CSMD1: variants seen among roughly 807,000 people sequenced by gnomAD.
CSMD1 encodes the protein CUB and sushi domain-containing protein 1.
CSMD1 carries 213 observed loss-of-function variants against 417.5 expected under a neutral mutation model. That is an observed-to-expected ratio of 0.51 (90% CI 0.46 to 0.57). The LOEUF (loss-of-function observed/expected upper bound fraction) is 0.57. Among genes scored for constraint, CSMD1 ranks in the 20% least tolerant of loss-of-function variants. CSMD1 has a pLI of 0.00. For missense variants in CSMD1, 6,923 were observed against 4,529.7 expected (o/e 1.53, Z -15.17); for synonymous variants, 2,862 against 1,736.8 (o/e 1.65, Z -16.11).
intron 1 of CSMD1, among the ~76,000 whole-genome samples, chr8:4,652,415 G>A (rs1489989600): frequency 3.9e-5 from 6 of 152,056 alleles, no homozygotes; most frequent in Non-Finnish European, 8.8e-5. Flanking sequence ...GCTTTGGGAG[G>A]AAGTGGGAAT....
intron 5 of CSMD1, among the ~76,000 whole-genome samples, chr8:3,911,461 G>C (rs907877699): frequency 6.6e-6 from 1 of 151,066 alleles, no homozygotes; most frequent in Non-Finnish European, 1.5e-5. Context: ...CCGCGAGGCG[G>C]AGCCTGCAGT....
At chr8:4,138,166 G>C (rs146703932) in intron 3 of CSMD1, among the ~76,000 whole-genome samples, 6,992 of 79,550 alleles carry the variant, frequency 0.088, 2,151 homozygotes, top group Non-Finnish European at 0.15. Context: ...CCTCCCACCT[G>C]GGCCTCCCAA....
chr8:4,834,630 T>C (rs1348289597), intron 1 of CSMD1, among the ~76,000 whole-genome samples: 2 of 151,334 alleles, frequency 1.3e-5, no homozygotes, highest in Admixed American at 6.6e-5. Flanking sequence ...GCAGAGGAAG[T>C]AGCTAGCTAG....
chr8:3,756,871 C>T (rs1797688283), intron 5 of CSMD1, among the ~76,000 whole-genome samples: 1 of 152,118 alleles, frequency 6.6e-6, no homozygotes, highest in African/African-American at 2.4e-5. Flanking sequence ...TCACAGCTCA[C>T]AGCAGTCTCC....
intron 1 of CSMD1, among the ~76,000 whole-genome samples, chr8:4,730,944 G>C (rs1213456416): frequency 6.6e-6 from 1 of 152,052 alleles, no homozygotes; most frequent in Non-Finnish European, 1.5e-5. Context: ...CAGGGCCAGT[G>C]TTCCTGCCTA....
intron 2 of CSMD1, among the ~76,000 whole-genome samples, chr8:4,573,298 A>C (rs571208120): frequency 6.6e-6 from 1 of 151,988 alleles, no homozygotes; most frequent in South Asian, 2.1e-4. Context: ...TTTGGATGGG[A>C]TTTTCGCATG....
intron 49 of CSMD1, among the ~76,000 whole-genome samples, chr8:3,086,672 A>C (rs1311009401): frequency 6.6e-6 from 1 of 152,256 alleles, no homozygotes; most frequent in Non-Finnish European, 1.5e-5. Context: ...AACAAGCTCT[A>C]GATTTAAATA....
At chr8:3,771,581 G>C (rs909252468) in intron 5 of CSMD1, among the ~76,000 whole-genome samples, 1 of 152,130 alleles carries the variant, frequency 6.6e-6, no homozygotes, top group Admixed American at 6.5e-5. Flanking sequence ...GACCTGGAGA[G>C]CCTCAGGGGC....
chr8:4,510,832 T>C, intron 2 of CSMD1, among the ~76,000 whole-genome samples: 1 of 111,204 alleles, frequency 9.0e-6, no homozygotes, highest in African/African-American at 3.5e-5. Flanking sequence ...CTTCCTCTCT[T>C]CCTCCCTCCC....
At chr8:4,259,044 G>C (rs1052650929) in intron 3 of CSMD1, among the ~76,000 whole-genome samples, 1 of 152,134 alleles carries the variant, frequency 6.6e-6, no homozygotes, top group Non-Finnish European at 1.5e-5. Flanking sequence ...AGGAAAAATT[G>C]TGCAAAGACC....
At chr8:3,529,571 G>C (rs1410024147) in intron 10 of CSMD1, among the ~76,000 whole-genome samples, 2 of 152,204 alleles carry the variant, frequency 1.3e-5, no homozygotes, top group Non-Finnish European at 2.9e-5. Flanking sequence ...CACAATGGAA[G>C]AGTAGAATCA....
chr8:3,941,612 C>G (rs1045437696), intron 5 of CSMD1, among the ~76,000 whole-genome samples: 1 of 152,054 alleles, frequency 6.6e-6, no homozygotes, highest in African/African-American at 2.4e-5. Context: ...TATGGTAATT[C>G]ATGAAGATAA....
intron 3 of CSMD1, among the ~76,000 whole-genome samples, chr8:4,358,294 G>A (rs551204050): frequency 6.6e-6 from 1 of 152,266 alleles, no homozygotes; most frequent in South Asian, 2.1e-4. Flanking sequence ...CCATGGGCCA[G>A]ATCCAGCTGG....
intron 1 of CSMD1, among the ~76,000 whole-genome samples, chr8:4,700,349 T>C (rs1303690460): frequency 1.3e-5 from 2 of 151,936 alleles, no homozygotes; most frequent in Non-Finnish European, 2.9e-5. Flanking sequence ...TTATAATACA[T>C]ATTATAAAAA....
chr8:4,322,822 C>G (rs1009896002), intron 3 of CSMD1, among the ~76,000 whole-genome samples: 11 of 152,098 alleles, frequency 7.2e-5, no homozygotes, highest in African/African-American at 2.4e-4. Flanking sequence ...TGGTGAAACC[C>G]CAACTCTCCT....
At chr8:4,405,036 T>C (rs528981900) in intron 3 of CSMD1, among the ~76,000 whole-genome samples, 1 of 152,378 alleles carries the variant, frequency 6.6e-6, no homozygotes, top group South Asian at 2.1e-4. Flanking sequence ...TAAACTAGCA[T>C]GTCGTGACTA....
intron 50 of CSMD1, among the ~76,000 whole-genome samples, chr8:3,034,778 A>T (rs1014998158): frequency 2.0e-5 from 3 of 152,214 alleles, no homozygotes; most frequent in African/African-American, 7.2e-5. Context: ...GGACATTTTC[A>T]TTTCATGACA....
At chr8:4,744,822 C>A (rs916011565) in intron 1 of CSMD1, among the ~76,000 whole-genome samples, 4 of 152,012 alleles carry the variant, frequency 2.6e-5, no homozygotes, top group Non-Finnish European at 4.4e-5. Context: ...ACATAAAACA[C>A]CCATAAGAAA....
chr8:3,172,517 T>C (rs921018275), intron 37 of CSMD1, among the ~76,000 whole-genome samples: 2 of 152,174 alleles, frequency 1.3e-5, no homozygotes, highest in Admixed American at 6.5e-5. Flanking sequence ...GAATTTAAAT[T>C]TGAAATTAGC....
Sources: allele counts gnomAD v4.1 joint callset (sites outside exome capture counted in the v4.1 genomes callset), GRCh38; gene constraint gnomAD v4.1.1; transcripts MANE v1.5; gene names NCBI Gene and HGNC (gene_info 2026-07-23, HGNC 2026-07-21).